FILIP1: variants seen among roughly 807,000 people sequenced by gnomAD.
The protein encoded by FILIP1 is filamin A interacting protein 1, also known as filamin-A-interacting protein 1.
A neutral mutation model predicts 102.1 loss-of-function variants in FILIP1; 61 were observed. The ratio of observed to expected loss-of-function variants is 0.60; its 90% CI spans 0.49 to 0.74. The LOEUF is 0.74. FILIP1 is among the 30% of genes least tolerant of loss of function. FILIP1 has a pLI of 0.00. For missense variants in FILIP1, 1,314 were observed against 1,441.2 expected (o/e 0.91, Z 1.43); for synonymous variants, 491 against 526.9 (o/e 0.93, Z 0.93).
intron 1 of FILIP1, among the ~76,000 whole-genome samples, chr6:75,450,100 T>C (rs1778573838): frequency 6.6e-6 from 1 of 152,020 alleles, no homozygotes; most frequent in Non-Finnish European, 1.5e-5. Flanking sequence ...CCACTGTGCC[T>C]GATTACTTTT....
chr6:75,415,825 A>G (rs1777248569), intron 1 of FILIP1, among the ~76,000 whole-genome samples: 1 of 152,198 alleles, frequency 6.6e-6, no homozygotes, highest in South Asian at 2.1e-4. Flanking sequence ...TCCCATGAGA[A>G]GCACATTCAA....
At chr6:75,443,760 T>C (rs922352061) in intron 1 of FILIP1, among the ~76,000 whole-genome samples, 4 of 152,302 alleles carry the variant, frequency 2.6e-5, no homozygotes, top group East Asian at 3.9e-4. Flanking sequence ...TTAGACAAGG[T>C]ATGGACTCCT....
Position 75,468,491 on chromosome 6 carries a change from A to C in FILIP1, c.-7+24923T>G, listed in dbSNP as rs374791559. Among the ~76,000 whole-genome samples the C allele has an allele frequency of 3.3e-5, 5 of 152,346 alleles. No homozygotes were observed. The East Asian group carries it at 9.6e-4, about 29-fold the overall frequency. ...TTGAAATATTGATCTTTTAAATAGA[A>C]TACTCGACAAGCAGGTCAAATGAGA... On this transcript the variant is annotated intron_variant, in intron 1 of 5. Transcript: ENST00000237172.
At position 75,372,719 on chromosome 6, in the gene FILIP1, A is replaced by G. The variant is rs868043910; in HGVS notation, c.277-9802T>C. On this transcript the variant is annotated intron_variant, in intron 2 of 5. Transcript: ENST00000237172. ...AGAGAAAGAAAGAAAGAAAGGAAAG[A>G]AAGAGAAAGAGAAAGAAAGAAAGAA... Among the ~76,000 whole-genome samples, 225 of 57,374 alleles carry G rather than the reference A, an allele frequency of 3.9e-3. 13 individuals are homozygous for G. Among genetic ancestry groups the G allele is most frequent in the African/African-American group, 0.017 (159 of 9,138 alleles). The allele number at this position is 57,374 out of a possible 152,430, so 37.6% of individuals were successfully genotyped here.
chr6:75,308,067 T>A, downstream of FILIP1: 1 of 985,876 alleles, frequency 1.0e-6, no homozygotes, highest in Non-Finnish European at 1.2e-6. Context: ...CACACACAAA[T>A]AAGTAAAACT....
chr6:75,314,419 C>T lies in FILIP1; in HGVS notation c.1413G>A (p.Glu471=). ...NLTKDLLNEL[E]VVKSRVKELE... is the part of the protein sequence containing the mutation. ...ATTCTTTAACTCGACTCTTGACCAC[C>T]TCCAATTCATTTAGCAGGTCTTTGG... Residue 471 remains glutamate (E), a synonymous_variant, in exon 5 of 6, where the codon GAG becomes GAA. Coordinates refer to ENST00000237172, the MANE Select transcript of FILIP1 (RefSeq NM_015687.5). 6.4e-7 allele frequency: 1 copy of T among 1,555,824 alleles called. No homozygotes were observed.
At chr6:75,441,836 C>T (rs1778256987) in intron 1 of FILIP1, among the ~76,000 whole-genome samples, 1 of 145,362 alleles carries the variant, frequency 6.9e-6, no homozygotes, top group African/African-American at 2.6e-5. Flanking sequence ...GGGCGGGGGG[C>T]TGGCCCCCCC....
At chr6:75,319,687 G>T in intron 4 of FILIP1, 1 of 337,426 alleles carries the variant, frequency 3.0e-6, no homozygotes, top group Non-Finnish European at 5.7e-6. Context: ...AAAATTAGCC[G>T]GGCGTAGCGG....
chr6:75,401,751 T>A (rs1776667359), intron 2 of FILIP1, among the ~76,000 whole-genome samples: 1 of 152,088 alleles, frequency 6.6e-6, no homozygotes, highest in African/African-American at 2.4e-5. Flanking sequence ...CTACATAATA[T>A]CTCTCCTGGA....
At chr6:75,363,139 T>C (rs1775224440) in intron 2 of FILIP1, 1 of 502,306 alleles carries the variant, frequency 2.0e-6, no homozygotes, top group Non-Finnish European at 3.6e-6. Context: ...AAAAAAGGAT[T>C]TGTGCTAATA....
chr6:75,340,860 AATTTTTTTT>A (rs1774397749), intron 4 of FILIP1, among the ~76,000 whole-genome samples: 2 of 108,558 alleles, frequency 1.8e-5, no homozygotes, highest in South Asian at 6.2e-4. Context: ...AATGCTCAGG[AATTTTTTTT>A]TTTTTTTTTT....
chr6:75,347,781 C>T (rs570882369), intron 4 of FILIP1, among the ~76,000 whole-genome samples: 4 of 152,168 alleles, frequency 2.6e-5, no homozygotes, highest in African/African-American at 9.6e-5. Flanking sequence ...TATGACCAAC[C>T]CCCTGTTCAT....
chr6:75,305,642 C>T (rs1403454582), downstream of FILIP1, among the ~76,000 whole-genome samples: 3 of 152,146 alleles, frequency 2.0e-5, no homozygotes, highest in Admixed American at 6.5e-5. Flanking sequence ...TGTCCCATAT[C>T]GAAACATTTC....
intron 4 of FILIP1, chr6:75,319,929 A>C (rs1773590606): frequency 2.2e-6 from 1 of 456,716 alleles, no homozygotes; most frequent in Non-Finnish European, 3.9e-6. Context: ...TGCACAAAGA[A>C]TGCATATCAT....
Position 75,312,628 on chromosome 6 carries a change from G to A in FILIP1, c.3204C>T (p.His1068=). 4 of 1,614,188 alleles carry A rather than the reference G, an allele frequency of 2.5e-6. No individual in the cohort carries two copies. Among genetic ancestry groups the A allele is most frequent in the Non-Finnish European group, 3.4e-6 (4 of 1,180,042 alleles). ...NIITTEDNKI[H]IHLGSQFKRS... ...GTTTAAACTGAGACCCTAAGTGAAT[G>A]TGAATTTTATTGTCCTCTGTGGTTA... Residue 1068 remains histidine, a synonymous_variant, in exon 5 of 6, where the codon CAC becomes CAT. Transcript: ENST00000237172.
chr6:75,340,994 G>A (rs1477080871), intron 4 of FILIP1, among the ~76,000 whole-genome samples: 6 of 150,602 alleles, frequency 4.0e-5, no homozygotes, highest in African/African-American at 9.8e-5. Flanking sequence ...ATGAGCCACC[G>A]TGCCTGCCCG....
chr6:75,326,239 A>T (rs1308466590), intron 4 of FILIP1, among the ~76,000 whole-genome samples: 1 of 152,158 alleles, frequency 6.6e-6, no homozygotes, highest in Non-Finnish European at 1.5e-5. Context: ...TAAGTGAAGT[A>T]ATTAAGGAAT....
chr6:75,469,223 C>A (rs1370514470), intron 1 of FILIP1, among the ~76,000 whole-genome samples: 1 of 151,868 alleles, frequency 6.6e-6, no homozygotes, highest in African/African-American at 2.4e-5. Flanking sequence ...GGAAGGAATA[C>A]TTAAGTAAAA....
chr6:75,405,630 G>T (rs1776817957), intron 2 of FILIP1, among the ~76,000 whole-genome samples: 1 of 152,198 alleles, frequency 6.6e-6, no homozygotes, highest in South Asian at 2.1e-4. Flanking sequence ...GAGCAATGGT[G>T]AGTGCACTTG....
Sources: gnomAD v4.1 joint callset for allele counts (sites outside exome capture counted in the v4.1 genomes callset) on GRCh38, gnomAD v4.1.1 for gene constraint, MANE v1.5 for transcripts, NCBI Gene and HGNC (gene_info 2026-07-23, HGNC 2026-07-21) for gene names.